Variants in MYOM1 observed in about 807,000 individuals in gnomAD.
MYOM1 encodes the protein myomesin-1.
A neutral mutation model predicts 205.3 loss-of-function variants in MYOM1; 164 were observed. That is an observed-to-expected ratio of 0.80 (90% CI 0.70 to 0.91). The LOEUF is 0.91. MYOM1 is among the 40% of genes least tolerant of loss of function. MYOM1 has a pLI of 0.00. For synonymous variants in MYOM1, 772 were observed against 789.4 expected, an observed-to-expected ratio of 0.98 and a Z score of 0.37; for missense variants, 2,011 against 2,127.3, an observed-to-expected ratio of 0.95 and a Z score of 1.08.
At chr18:3,191,695 CTT>C in intron 3 of MYOM1, among the ~76,000 whole-genome samples, 1 of 145,024 alleles carries the variant, frequency 6.9e-6, no homozygotes, top group African/African-American at 2.5e-5. Flanking sequence ...TTCTTCACAT[CTT>C]TTTTTTTTTT....
At chr18:3,168,714 C>T in intron 9 of MYOM1, 103 bp downstream of exon 9, 1 of 1,171,220 alleles carries the variant, frequency 8.5e-7, no homozygotes, top group Non-Finnish European at 1.2e-6. Context: ...TAAAGGTAGT[C>T]CCTTCTAACT....
chr18:3,089,596 A>G lies in MYOM1; in HGVS notation c.4010T>C (p.Val1337Ala). The stretch of plus-strand genomic sequence containing the variant: ...AGCTTCTTTCTGGAGCTTTTTGAAA[A>G]CTACAAATTGAAAAACAAGGAAGTG... ...NHSTVVLVGD[V>A]FKKLQKEAEF... The change falls in exon 28 of 38, where the codon GTT becomes GCT. Residue 1337 changes from valine to alanine, a missense_variant and splice_region_variant. Physicochemically the swap from Val to Ala is moderately conservative, Grantham distance 64. Coordinates refer to ENST00000356443, the MANE Select transcript of MYOM1 (RefSeq NM_003803.4). The G allele has an allele frequency of 1.2e-6, 2 of 1,605,312 alleles. No individual in the cohort carries two copies. The highest frequency in any genetic ancestry group is 1.7e-6 in the Non-Finnish European group (2 of 1,175,814).
intron 37 of MYOM1, among the ~76,000 whole-genome samples, chr18:3,069,198 G>A (rs1206394884): frequency 6.6e-6 from 1 of 152,140 alleles, no homozygotes; most frequent in African/African-American, 2.4e-5. Flanking sequence ...CCCACCATTT[G>A]TTGTTGTACA....
chr18:3,082,160 T>TGCTC (rs1227104724), intron 33 of MYOM1, among the ~76,000 whole-genome samples: 1 of 152,252 alleles, frequency 6.6e-6, no homozygotes, highest in Non-Finnish European at 1.5e-5. Flanking sequence ...CAGGTGGTCA[T>TGCTC]GCTCGCTCCC....
At chr18:3,237,089 A>T in the MYOM1 span, among the ~76,000 whole-genome samples, 6 of 152,348 alleles carry the variant, frequency 3.9e-5, no homozygotes, top group South Asian at 8.3e-4. Flanking sequence ...AAAAAGATTT[A>T]TTATAGCAGA....
chr18:3,066,928 A>G lies in MYOM1; in HGVS notation c.*334T>C. On this transcript the variant is annotated 3_prime_UTR_variant, in exon 38 of 38. Coordinates refer to ENST00000356443, the MANE Select transcript of MYOM1 (RefSeq NM_003803.4). ...ACACGAGACACGGCCATGGCTTCACAGCTGCAGCAAATCCCAATTCGCCCC... is the reference window on the plus strand; with the variant it reads ...ACACGAGACACGGCCATGGCTTCACGGCTGCAGCAAATCCCAATTCGCCCC... 1 of 281,206 alleles carries G rather than the reference A, an allele frequency of 3.6e-6. No homozygotes were observed. The highest frequency in any genetic ancestry group is 4.6e-5 in the Admixed American group (1 of 21,814). 17.4% of individuals were successfully genotyped at this position (281,206 alleles called of 1,614,324 possible).
chr18:3,078,133 A>G (rs546745678), intron 34 of MYOM1, among the ~76,000 whole-genome samples: 32 of 151,182 alleles, frequency 2.1e-4, no homozygotes, highest in African/African-American at 7.3e-4. Context: ...CCTCCGCCAC[A>G]TGGGTTCAAA....
In MYOM1 at chr18:3,087,480, C is replaced by T. The variant is rs563067701; in HGVS notation, c.4138-1329G>A. 1.2e-3 allele frequency among the ~76,000 whole-genome samples: 173 copies of T among 149,312 alleles called. 2 individuals are homozygous for T. The highest frequency in any genetic ancestry group is 3.8e-3 in the African/African-American group (153 of 40,748). On this transcript the variant is annotated intron_variant, in intron 29 of 37. Transcript: ENST00000356443. ...TCCCAGTGTGCAAGCTAGGGTTCCT[C>T]CTACGTTCTTTTTTTTTTTTTTTTT...
At chr18:3,190,959 CA>C (rs1386443310) in intron 3 of MYOM1, among the ~76,000 whole-genome samples, 2 of 152,178 alleles carry the variant, frequency 1.3e-5, no homozygotes, top group African/African-American at 4.8e-5. Flanking sequence ...TTTCCATTTA[CA>C]AAGAAGCTAA....
intron 27 of MYOM1, among the ~76,000 whole-genome samples, chr18:3,090,068 T>G (rs1159277641): frequency 6.6e-6 from 1 of 152,202 alleles, no homozygotes; most frequent in Non-Finnish European, 1.5e-5. Flanking sequence ...TCTCCCTCAC[T>G]GGAGAATTTT....
At chr18:3,201,591 C>A (rs777925027) in intron 2 of MYOM1, among the ~76,000 whole-genome samples, 1 of 150,582 alleles carries the variant, frequency 6.6e-6, no homozygotes, top group African/African-American at 2.4e-5. Context: ...TAAATTTATA[C>A]GTATATAAGC....
intron 21 of MYOM1, 28 bp from the exon 22 acceptor site, chr18:3,112,440 G>A: frequency 6.5e-7 from 1 of 1,532,840 alleles, no homozygotes; most frequent in East Asian, 2.3e-5. Flanking sequence ...AGAAGCAATG[G>A]GTGTTTGATG....
intron 1 of MYOM1, among the ~76,000 whole-genome samples, chr18:3,218,004 G>A (rs1323857420): frequency 6.6e-6 from 1 of 152,114 alleles, no homozygotes; most frequent in East Asian, 1.9e-4. Context: ...GAACATGCAG[G>A]CTTCTAGTCT....
rs567491284 is a variant in MYOM1 at position 3,200,700 on chromosome 18, G to A, written c.291-6742C>T. On this transcript the variant is annotated intron_variant, in intron 2 of 37. Transcript: ENST00000356443. ...CATTCTAAAGCAAAGAGAGATAAAA[G>A]AATAAAGAAAAATTAAAAGAGCCTC... Among the ~76,000 whole-genome samples the A allele has an allele frequency of 2.6e-5, 4 of 151,682 alleles. No homozygotes were observed. The East Asian group carries it at 7.7e-4, about 29-fold the overall frequency.
chr18:3,183,936 C>T (rs1038697305), intron 5 of MYOM1, among the ~76,000 whole-genome samples: 2 of 150,720 alleles, frequency 1.3e-5, no homozygotes, highest in African/African-American at 2.5e-5. Context: ...GACAGGGTCA[C>T]ACTCTATTGC....
intron 2 of MYOM1, among the ~76,000 whole-genome samples, chr18:3,210,133 C>A (rs1372171570): frequency 6.6e-6 from 1 of 152,184 alleles, no homozygotes; most frequent in African/African-American, 2.4e-5. Context: ...GAATCTACAG[C>A]TCATAGCTGA....
chr18:3,071,765 AC>A, intron 37 of MYOM1, 68 bp downstream of exon 37: 1 of 1,494,806 alleles, frequency 6.7e-7, no homozygotes, highest in South Asian at 1.2e-5. Flanking sequence ...AAAAGAAGGA[AC>A]AAAATCTGGG....
chr18:3,136,083 T>C (rs1048786363), intron 14 of MYOM1, among the ~76,000 whole-genome samples: 2 of 151,240 alleles, frequency 1.3e-5, no homozygotes, highest in African/African-American at 4.9e-5. Flanking sequence ...TGAGAGCTGA[T>C]GGTTTTATAA....
At chr18:3,112,433 A>G (rs757650697) in intron 21 of MYOM1, 21 bp from the exon 22 acceptor site, 1 of 1,562,780 alleles carries the variant, frequency 6.4e-7, no homozygotes, top group Non-Finnish European at 8.7e-7. Flanking sequence ...CAGGTGTAGA[A>G]GCAATGGGTG....
Sources: gnomAD v4.1 joint callset for allele counts (sites outside exome capture counted in the v4.1 genomes callset) on GRCh38, gnomAD v4.1.1 for gene constraint, MANE v1.5 for transcripts, NCBI Gene and HGNC (gene_info 2026-07-23, HGNC 2026-07-21) for gene names.